Variants in TNKS observed in about 807,000 individuals in gnomAD.
TNKS encodes tankyrase, also known as poly [ADP-ribose] polymerase tankyrase-1.
In TNKS, 72 loss-of-function variants were observed where a neutral mutation model predicts 135.8. That is an observed-to-expected ratio of 0.53 (90% CI 0.44 to 0.64). The LOEUF (loss-of-function observed/expected upper bound fraction) is 0.64. Among genes scored for constraint, TNKS ranks in the 30% least tolerant of loss-of-function variants. The pLI is 0.00. For synonymous variants in TNKS, 849 were observed against 649.3 expected, an observed-to-expected ratio of 1.31 and a Z score of -4.68; for missense variants, 1,769 against 1,674.0, an observed-to-expected ratio of 1.06 and a Z score of -0.99.
chr8:9,615,044 G>A (rs966497973), intron 2 of TNKS, among the ~76,000 whole-genome samples: 28 of 152,238 alleles, frequency 1.8e-4, no homozygotes, highest in Non-Finnish European at 3.8e-4. Context: ...AGGGGACCAG[G>A]GTTACACACA....
chr8:9,648,788 C>G (rs1801018080), intron 3 of TNKS, among the ~76,000 whole-genome samples: 1 of 152,118 alleles, frequency 6.6e-6, no homozygotes, highest in South Asian at 2.1e-4. Context: ...ATGACTGTAC[C>G]TGTTCCCCTC....
intron 17 of TNKS, among the ~76,000 whole-genome samples, chr8:9,745,994 A>G (rs961840411): frequency 6.6e-6 from 1 of 152,204 alleles, no homozygotes; most frequent in Non-Finnish European, 1.5e-5. Flanking sequence ...GCATCTTGGG[A>G]TCTTTCTTGG....
chr8:9,657,159 G>A (rs1801418812), intron 3 of TNKS, among the ~76,000 whole-genome samples: 1 of 138,548 alleles, frequency 7.2e-6, no homozygotes, highest in African/African-American at 2.7e-5. Context: ...CGGGGTGGTG[G>A]CCGGGCAGAG....
At chr8:9,611,131 A>T (rs1268009967) in intron 2 of TNKS, among the ~76,000 whole-genome samples, 1 of 152,200 alleles carries the variant, frequency 6.6e-6, no homozygotes, top group Non-Finnish European at 1.5e-5. Flanking sequence ...CTGTCTTGTT[A>T]TGCCAGCTGC....
At chr8:9,579,441 G>A (rs1359846451) in intron 1 of TNKS, among the ~76,000 whole-genome samples, 1 of 151,886 alleles carries the variant, frequency 6.6e-6, no homozygotes, top group Non-Finnish European at 1.5e-5. Context: ...TCTTAGATTC[G>A]GTTATCAGCA....
At chr8:9,614,900 G>A (rs1204836412) in intron 2 of TNKS, among the ~76,000 whole-genome samples, 1 of 152,142 alleles carries the variant, frequency 6.6e-6, no homozygotes, top group East Asian at 1.9e-4. Flanking sequence ...ATTCCCAGTA[G>A]CTACTTTTTA....
chr8:9,766,338 C>A lies in TNKS; in HGVS notation c.3653C>A (p.Ser1218Tyr). The A allele has an allele frequency of 6.2e-7, 1 of 1,613,840 alleles. No homozygotes were observed. The highest frequency in any genetic ancestry group is 8.5e-7 in the Non-Finnish European group (1 of 1,179,922). The change falls in exon 25 of 27, where the codon TCC becomes TAC. Residue 1218 changes from serine (S) to tyrosine (Y), a missense_variant. Transcript: ENST00000310430. The part of the protein sequence containing the change: ...FGAGIYFAEN[S>Y]SKSNQYVYGI... ...GCCGGGATTTATTTTGCTGAAAACTCCTCAAAAAGCAACCAATATGTTTAT... is the reference window on the plus strand; with the variant it reads ...GCCGGGATTTATTTTGCTGAAAACTACTCAAAAAGCAACCAATATGTTTAT...
chr8:9,618,575 T>C (rs1354137219), intron 3 of TNKS, among the ~76,000 whole-genome samples: 1 of 152,232 alleles, frequency 6.6e-6, no homozygotes, highest in Admixed American at 6.5e-5. Flanking sequence ...TTTTCGTTTG[T>C]TCATTTTTTG....
chr8:9,580,956 A>G (rs1049868599), intron 2 of TNKS, among the ~76,000 whole-genome samples: 6 of 152,192 alleles, frequency 3.9e-5, no homozygotes, highest in Non-Finnish European at 8.8e-5. Context: ...TTGTTCTCTC[A>G]TATATATTCA....
At chr8:9,575,981 A>G (rs971420945) in intron 1 of TNKS, among the ~76,000 whole-genome samples, 1 of 152,076 alleles carries the variant, frequency 6.6e-6, no homozygotes, top group Non-Finnish European at 1.5e-5. Flanking sequence ...AACGGTTGGG[A>G]GGAAGGGTGA....
chr8:9,733,489 A>G (rs996629411), intron 15 of TNKS, 45 bp downstream of exon 15: 19 of 1,527,462 alleles, frequency 1.2e-5, no homozygotes, highest in African/African-American at 1.4e-5. Context: ...TTTTATTTAT[A>G]TTTTGGTTAT....
chr8:9,710,085 G>C (rs1393132782), intron 10 of TNKS, 39 bp downstream of exon 10: 9 of 1,611,510 alleles, frequency 5.6e-6, no homozygotes, highest in Non-Finnish European at 7.6e-6. Context: ...AGTTCCTAAA[G>C]AGGAAATGCA....
In TNKS at chr8:9,680,818, C is replaced by G. The variant is rs780928757; in HGVS notation, c.1107+18C>G. On this transcript the variant is annotated intron_variant, in intron 5 of 26. Transcript: ENST00000310430. ...GGCGAAAGGTAAGTTATTTTAAATACAATCCTCTTTAATTGCAATGCTTCA... is the reference window on the plus strand; with the variant it reads ...GGCGAAAGGTAAGTTATTTTAAATAGAATCCTCTTTAATTGCAATGCTTCA... 1.2e-6 allele frequency: 2 copies of G among 1,600,926 alleles called. No individual in the cohort carries two copies. Among genetic ancestry groups the G allele is most frequent in the South Asian group, 2.2e-5 (2 of 90,244 alleles).
chr8:9,623,194 C>T (rs901410773), intron 3 of TNKS, among the ~76,000 whole-genome samples: 4 of 152,188 alleles, frequency 2.6e-5, no homozygotes, highest in African/African-American at 9.6e-5. Context: ...TCAGTCTTTG[C>T]TCTCTAGTCA....
chr8:9,697,478 G>T (rs569218525), intron 5 of TNKS, among the ~76,000 whole-genome samples: 4 of 152,172 alleles, frequency 2.6e-5, no homozygotes, highest in Admixed American at 1.3e-4. Context: ...CTTCTGCACA[G>T]CAAAAGAAAC....
At chr8:9,628,092 C>G (rs866032321) in intron 3 of TNKS, among the ~76,000 whole-genome samples, 1 of 152,174 alleles carries the variant, frequency 6.6e-6, no homozygotes, top group Admixed American at 6.5e-5. Context: ...TGCAGCTATG[C>G]TCTGCTTACT....
Position 9,720,548 on chromosome 8 carries a change from G to A in TNKS, c.1921+3G>A, listed in dbSNP as rs761379535. ...AGCAGTGCAGCAGATTCTGAGTGGT[G>A]AGTTAAAATAGACCAACAGGGCATT... On this transcript the variant is annotated splice_donor_region_variant and intron_variant, in intron 12 of 26. Coordinates refer to ENST00000310430, the MANE Select transcript of TNKS (RefSeq NM_003747.3). The A allele has an allele frequency of 1.2e-6, 2 of 1,606,452 alleles. No homozygotes were observed. The highest frequency in any genetic ancestry group is 3.4e-5 in the Admixed American group (2 of 58,616).
intron 3 of TNKS, chr8:9,670,145 G>C (rs772221365): frequency 2.6e-5 from 4 of 152,174 alleles, no homozygotes; most frequent in Non-Finnish European, 5.9e-5. Context: ...AGTTGAAAAG[G>C]AGATGTATGA....
intron 2 of TNKS, among the ~76,000 whole-genome samples, chr8:9,595,190 G>C (rs929392119): frequency 1.4e-4 from 21 of 150,366 alleles, no homozygotes; most frequent in African/African-American, 5.2e-4. Context: ...GTGTGATCTC[G>C]GCTCACTGCA....
Sources: gnomAD v4.1 joint callset for allele counts (sites outside exome capture counted in the v4.1 genomes callset) on GRCh38, gnomAD v4.1.1 for gene constraint, MANE v1.5 for transcripts, NCBI Gene and HGNC (gene_info 2026-07-23, HGNC 2026-07-21) for gene names.